Variants in QRICH1 observed in about 807,000 individuals in gnomAD.
The protein encoded by QRICH1 is glutamine rich 1.
QRICH1 carries 16 observed loss-of-function variants against 87.1 expected under a neutral mutation model. That is an observed-to-expected ratio of 0.18 (90% CI 0.12 to 0.28). QRICH1 has a LOEUF of 0.28. Among genes scored for constraint, QRICH1 ranks in the 10% least tolerant of loss-of-function variants. The probability of loss-of-function intolerance (pLI) is 1.00; values close to 1 mark genes in which losing one functional copy is unlikely to be tolerated. For synonymous variants in QRICH1, 367 were observed against 368.4 expected, an observed-to-expected ratio of 1.00 and a Z score of 0.05; for missense variants, 647 against 951.7, an observed-to-expected ratio of 0.68 and a Z score of 4.21.
At chr3:49,041,453 G>A (rs534313310) in intron 6 of QRICH1, among the ~76,000 whole-genome samples, 38 of 151,924 alleles carry the variant, frequency 2.5e-4, no homozygotes, top group African/African-American at 8.9e-4. Flanking sequence ...ATGGCCTCCC[G>A]AAATACTGGT....
chr3:49,088,472 ATT>A (rs1183425769), intron 1 of QRICH1, among the ~76,000 whole-genome samples: 1 of 150,476 alleles, frequency 6.6e-6, no homozygotes, highest in Non-Finnish European at 1.5e-5. Context: ...ATTTTTTTGT[ATT>A]TTTAGTAGAA....
At chr3:49,068,801 TG>T in intron 2 of QRICH1, among the ~76,000 whole-genome samples, 1 of 151,736 alleles carries the variant, frequency 6.6e-6, no homozygotes, top group East Asian at 2.0e-4. Context: ...GCCAATTTTT[TG>T]TATTTTTGGT....
chr3:49,061,813 T>TGCACCACA (rs1158012702), intron 2 of QRICH1, among the ~76,000 whole-genome samples: 1 of 152,086 alleles, frequency 6.6e-6, no homozygotes, highest in African/African-American at 2.4e-5. Flanking sequence ...ATTGCACCAC[T>TGCACCACA]GCACCACAGC....
chr3:49,058,015 A>G, intron 2 of QRICH1, 125 bp from the exon 3 acceptor site: 2 of 1,515,946 alleles, frequency 1.3e-6, no homozygotes, highest in Non-Finnish European at 1.8e-6. Flanking sequence ...TGGCATACTC[A>G]AGGCTTCTGA....
chr3:49,036,167 T>A (rs1308918998), intron 6 of QRICH1, among the ~76,000 whole-genome samples: 1 of 152,152 alleles, frequency 6.6e-6, no homozygotes, highest in Non-Finnish European at 1.5e-5. Context: ...AGTAAGGGGC[T>A]ATAGATAAAA....
intron 2 of QRICH1, among the ~76,000 whole-genome samples, chr3:49,059,682 A>T (rs1438393919): frequency 6.6e-6 from 1 of 151,424 alleles, no homozygotes; most frequent in African/African-American, 2.4e-5. Flanking sequence ...TTGGCCTCCC[A>T]AAGTGCTGGG....
At chr3:49,081,416 TAAA>T (rs771412819) in intron 1 of QRICH1, among the ~76,000 whole-genome samples, 2 of 135,262 alleles carry the variant, frequency 1.5e-5, no homozygotes, top group Non-Finnish European at 3.2e-5. Context: ...GACTCCATCT[TAAA>T]AAAAAAAAAA....
intron 6 of QRICH1, among the ~76,000 whole-genome samples, chr3:49,036,584 A>T (rs948146906): frequency 2.6e-5 from 4 of 152,200 alleles, no homozygotes; most frequent in African/African-American, 9.6e-5. Flanking sequence ...TTAAATCTGT[A>T]AGTTCACAAT....
chr3:49,072,953 C>T (rs2041871372), intron 2 of QRICH1, among the ~76,000 whole-genome samples: 1 of 151,838 alleles, frequency 6.6e-6, no homozygotes, highest in Non-Finnish European at 1.5e-5. Context: ...GAGGTGAGAG[C>T]ATCACCTGAG....
chr3:49,048,656 C>T (rs1426060644), intron 3 of QRICH1, among the ~76,000 whole-genome samples: 10 of 150,170 alleles, frequency 6.7e-5, no homozygotes, highest in Non-Finnish European at 1.5e-4. Context: ...GGTGTGGTGG[C>T]GGGCGCCTGT....
intron 3 of QRICH1, chr3:49,056,639 A>G: frequency 1.2e-6 from 1 of 822,952 alleles, no homozygotes; most frequent in Non-Finnish European, 1.9e-6. Context: ...AAAACTCCAA[A>G]GCAATTCCTG....
chr3:49,068,552 G>T (rs900870236), intron 2 of QRICH1, among the ~76,000 whole-genome samples: 2 of 151,612 alleles, frequency 1.3e-5, no homozygotes, highest in African/African-American at 4.8e-5. Context: ...TTGAGCCCAG[G>T]AAGTCCAGAC....
intron 1 of QRICH1, chr3:49,086,843 T>C (rs1388400591): frequency 1.3e-5 from 2 of 152,180 alleles, no homozygotes; most frequent in Non-Finnish European, 2.9e-5. Flanking sequence ...CTTCAATCCG[T>C]GATGGACTAA....
At chr3:49,079,096 A>G (rs2042008530) in intron 1 of QRICH1, among the ~76,000 whole-genome samples, 1 of 151,510 alleles carries the variant, frequency 6.6e-6, no homozygotes, top group Non-Finnish European at 1.5e-5. Flanking sequence ...TTAACTGGGT[A>G]TGGTGGTATG....
At chr3:49,085,412 G>A (rs899785055) in intron 1 of QRICH1, among the ~76,000 whole-genome samples, 2 of 151,772 alleles carry the variant, frequency 1.3e-5, no homozygotes, top group Non-Finnish European at 2.9e-5. Flanking sequence ...AATGGTAACA[G>A]ACACGTAATT....
At chr3:49,066,679 C>A (rs2093470320) in intron 2 of QRICH1, among the ~76,000 whole-genome samples, 2 of 152,026 alleles carry the variant, frequency 1.3e-5, no homozygotes, top group African/African-American at 4.8e-5. Flanking sequence ...GCATGAGCCA[C>A]TGCACCCAGA....
intron 2 of QRICH1, among the ~76,000 whole-genome samples, chr3:49,068,269 A>C (rs1234128250): frequency 6.6e-6 from 1 of 151,948 alleles, no homozygotes; most frequent in Non-Finnish European, 1.5e-5. Flanking sequence ...AAATGGCAGG[A>C]TCAATTGCGC....
At chr3:49,055,180 C>G (rs1217858727) in intron 3 of QRICH1, among the ~76,000 whole-genome samples, 3 of 152,150 alleles carry the variant, frequency 2.0e-5, no homozygotes, top group Admixed American at 2.0e-4. Context: ...ATGATACTGC[C>G]TCTATGAAAC....
At chr3:49,059,252 A>ACCATGCCTAGCCTTATTTATTTATTT (rs2093420975) in intron 2 of QRICH1, among the ~76,000 whole-genome samples, 3 of 151,920 alleles carry the variant, frequency 2.0e-5, no homozygotes, top group South Asian at 2.1e-4. Context: ...GGCGTGAGCC[A>ACCATGCCTAGCCTTATTTATTTATTT]TCACAAGGGA....
Sources: allele counts gnomAD v4.1 joint callset (sites outside exome capture counted in the v4.1 genomes callset), GRCh38; gene constraint gnomAD v4.1.1; transcripts MANE v1.5; gene names NCBI Gene and HGNC (gene_info 2026-07-23, HGNC 2026-07-21).